The following DNAH12 variants were observed in gnomAD, a reference collection of about 807,000 sequenced individuals.
DNAH12 encodes dynein axonemal heavy chain 12.
In DNAH12, 285 loss-of-function variants were observed where a neutral mutation model predicts 371.5. The ratio of observed to expected loss-of-function variants is 0.77; its 90% confidence interval spans 0.70 to 0.85. The LOEUF (loss-of-function observed/expected upper bound fraction) is 0.85, where lower values mean the gene tolerates loss of function less well. Ranked by LOEUF, DNAH12 falls within the 40% of genes least tolerant of loss-of-function variation. The pLI is 0.00. For synonymous variants in DNAH12, 1,200 were observed against 1,213.0 expected, an observed-to-expected ratio of 0.99 and a Z score of 0.22; for missense variants, 3,611 against 3,689.4, an observed-to-expected ratio of 0.98 and a Z score of 0.55.
chr3:57,481,901 A>C (rs1160323511), intron 13 of DNAH12, among the ~76,000 whole-genome samples: 1 of 152,142 alleles, frequency 6.6e-6, no homozygotes, highest in African/African-American at 2.4e-5. Flanking sequence ...CCTTCCTTAC[A>C]CCTCATACAA....
chr3:57,370,606 A>C (rs1306747703), intron 55 of DNAH12, among the ~76,000 whole-genome samples: 2 of 152,250 alleles, frequency 1.3e-5, no homozygotes, highest in Non-Finnish European at 2.9e-5. Context: ...CAACAGCATG[A>C]CTGGCTAAAA....
At chr3:57,379,528 T>C (rs2063344018) in intron 51 of DNAH12, among the ~76,000 whole-genome samples, 1 of 152,074 alleles carries the variant, frequency 6.6e-6, no homozygotes, top group Admixed American at 6.6e-5. Flanking sequence ...AAAATGTTTC[T>C]TCCAAAAATA....
At position 57,403,434 on chromosome 3, in the gene DNAH12, C is replaced by A; in HGVS notation, c.6823G>T (p.Val2275Phe). 6.4e-7 allele frequency: 1 copy of A among 1,551,446 alleles called. No individual in the cohort carries two copies. Among genetic ancestry groups the A allele is most frequent in the Non-Finnish European group, 8.7e-7 (1 of 1,146,876 alleles). The change falls in exon 43 of 74, where the codon GTT becomes TTT. Residue 2275 changes from valine (V) to phenylalanine (F), a missense_variant. Physicochemically the swap from Val to Phe is conservative, Grantham distance 50. This residue lies in a region of DNAH12 where 2,266 missense variants were observed against 2,236.9 expected (regional missense o/e 1.01). Transcript: ENST00000495027. ...LKQSGGNALL[V>F]GLGGSGRQSL... ...TGACGACCACTTCCTCCAAGACCAA[C>A]AAGCAAAGCATTTCCACCAGATTGC...
chr3:57,509,947 A>G (rs369420835), intron 5 of DNAH12, among the ~76,000 whole-genome samples: 1 of 151,518 alleles, frequency 6.6e-6, no homozygotes, highest in East Asian at 1.9e-4. Flanking sequence ...ACCCTTGAAA[A>G]TTGTCAAGAG....
intron 19 of DNAH12, among the ~76,000 whole-genome samples, chr3:57,460,818 A>G (rs1480206210): frequency 6.6e-6 from 1 of 152,138 alleles, no homozygotes; most frequent in Non-Finnish European, 1.5e-5. Context: ...CTATCCTCCT[A>G]TATGTTGGTT....
At chr3:57,403,042 C>T (rs1553679530) in intron 43 of DNAH12, among the ~76,000 whole-genome samples, 1 of 152,122 alleles carries the variant, frequency 6.6e-6, no homozygotes, top group Non-Finnish European at 1.5e-5. Flanking sequence ...TGTCACATGT[C>T]ACTCAGCTTC....
At chr3:57,364,407 T>A (rs985605499) in intron 57 of DNAH12, among the ~76,000 whole-genome samples, 49 of 152,288 alleles carry the variant, frequency 3.2e-4, no homozygotes, top group African/African-American at 1.1e-3. Context: ...CACTTGATAA[T>A]GCTACATTTA....
intron 53 of DNAH12, 148 bp downstream of exon 53, chr3:57,376,833 T>C (rs1174789573): frequency 6.6e-6 from 1 of 152,152 alleles, no homozygotes; most frequent in Non-Finnish European, 1.5e-5. Flanking sequence ...GATATCCTTG[T>C]TTGGAGAAGC....
chr3:57,438,918 C>CGAAAACAAAAAAAAAA (rs562343761), intron 29 of DNAH12, among the ~76,000 whole-genome samples: 1 of 94,496 alleles, frequency 1.1e-5, no homozygotes, highest in Non-Finnish European at 2.0e-5. Flanking sequence ...CTGTCTCAGA[C>CGAAAACAAAAAAAAAA]AAAAAAAAAA....
At chr3:57,487,250 A>G (rs2066948690) in intron 12 of DNAH12, among the ~76,000 whole-genome samples, 1 of 145,446 alleles carries the variant, frequency 6.9e-6, no homozygotes, top group South Asian at 2.4e-4. Flanking sequence ...AGCCTAGGCA[A>G]CATGGCAAGA....
At chr3:57,345,582 G>A (rs1484436293) in intron 60 of DNAH12, among the ~76,000 whole-genome samples, 2 of 152,170 alleles carry the variant, frequency 1.3e-5, no homozygotes, top group African/African-American at 4.8e-5. Flanking sequence ...GTGGATAATT[G>A]TAACACTTAA....
At chr3:57,360,480 G>A (rs1038359601) in intron 58 of DNAH12, among the ~76,000 whole-genome samples, 1 of 152,096 alleles carries the variant, frequency 6.6e-6, no homozygotes, top group African/African-American at 2.4e-5. Flanking sequence ...CCTGAGGTTG[G>A]GAGTTCGAGA....
the DNAH12 span, among the ~76,000 whole-genome samples, chr3:57,552,805 A>G: frequency 2.6e-5 from 4 of 152,140 alleles, no homozygotes. Context: ...TAGGAGACCA[A>G]GGAGTTCAAG....
intron 40 of DNAH12, 147 bp downstream of exon 40, chr3:57,408,133 C>CA: frequency 1.1e-6 from 1 of 908,134 alleles, no homozygotes; most frequent in Non-Finnish European, 1.5e-6. Context: ...TCCCTCATTT[C>CA]AAATCCTGTG....
intron 60 of DNAH12, among the ~76,000 whole-genome samples, chr3:57,345,508 C>T (rs2062518727): frequency 6.6e-6 from 1 of 152,156 alleles, no homozygotes; most frequent in Admixed American, 6.5e-5. Flanking sequence ...CTTTTTACTG[C>T]CATACCCAAT....
In DNAH12 at chr3:57,446,118, T is replaced by C. The variant is rs1559668260; in HGVS notation, c.4092A>G (p.Thr1364=). 6.4e-7 allele frequency: 1 copy of C among 1,551,620 alleles called. No individual in the cohort carries two copies. The highest frequency in any genetic ancestry group is 8.7e-7 in the Non-Finnish European group (1 of 1,147,010). Residue 1364 remains threonine (T), a synonymous_variant, in exon 27 of 74, where the codon ACA becomes ACG. Transcript: ENST00000495027. ...AACAATTCGGATTGAGCTTAAGTTC[T>C]GTCCCTTCAAAAACAAACACAACCA... ...QKLVVFVFEG[T]ELKLNPNCFV... is the part of the protein sequence containing the mutation.
Position 57,431,532 on chromosome 3 carries a change from C to T in DNAH12, c.4981-1758G>A, listed in dbSNP as rs79320330. On this transcript the variant is annotated intron_variant, in intron 32 of 73. Coordinates refer to ENST00000495027, the MANE Select transcript of DNAH12 (RefSeq NM_001366028.2). ...CATTCATTGTCTCCTACTACACTTG[C>T]TCCTCATTTTCCCAATATTTTCACA... is the stretch of plus-strand genomic sequence containing the variant. Among the ~76,000 whole-genome samples the T allele has an allele frequency of 2.0e-5, 3 of 152,310 alleles. No individual in the cohort carries two copies. In the East Asian group the frequency reaches 5.8e-4, roughly 29 times the overall value.
intron 45 of DNAH12, among the ~76,000 whole-genome samples, chr3:57,391,122 C>A (rs1194514178): frequency 6.6e-6 from 1 of 152,048 alleles, no homozygotes; most frequent in East Asian, 1.9e-4. Context: ...CTATGAGGTT[C>A]CCAGATATTT....
chr3:57,440,728 C>CT (rs1480361264), intron 29 of DNAH12, among the ~76,000 whole-genome samples: 1 of 152,174 alleles, frequency 6.6e-6, no homozygotes, highest in East Asian at 1.9e-4. Context: ...TGGCTCATGC[C>CT]TGTAATCCCA....
Sources: gnomAD v4.1 joint callset for allele counts (sites outside exome capture counted in the v4.1 genomes callset) on GRCh38, gnomAD v4.1.1 for gene constraint, gnomAD v4.1.1 regional missense constraint, MANE v1.5 for transcripts, NCBI Gene and HGNC (gene_info 2026-07-23, HGNC 2026-07-21) for gene names.